The following CNTN4 variants were observed in gnomAD, a reference collection of about 807,000 sequenced individuals.
CNTN4 encodes the protein contactin-4.
CNTN4 carries 77 observed loss-of-function variants against 122.5 expected under a neutral mutation model. The observed-to-expected ratio is 0.63, with a 90% CI of 0.52 to 0.76. The LOEUF (loss-of-function observed/expected upper bound fraction) is 0.76. Ranked by LOEUF, CNTN4 falls within the 30% of genes least tolerant of loss-of-function variation. The pLI, the probability that CNTN4 is intolerant of heterozygous loss-of-function variation, is 0.00. For missense variants in CNTN4, 1,256 were observed against 1,259.1 expected, an observed-to-expected ratio of 1.00 and a Z score of 0.04; for synonymous variants, 512 against 447.0, an observed-to-expected ratio of 1.15 and a Z score of -1.83.
intron 3 of CNTN4, among the ~76,000 whole-genome samples, chr3:2,484,716 T>C (rs1054931212): frequency 1.1e-4 from 16 of 152,346 alleles, no homozygotes; most frequent in African/African-American, 3.4e-4. Flanking sequence ...TATTTTTCTG[T>C]GTATCCTGAG....
At chr3:2,207,178 AG>A (rs2038397912) in intron 2 of CNTN4, among the ~76,000 whole-genome samples, 3 of 152,028 alleles carry the variant, frequency 2.0e-5, no homozygotes, top group Admixed American at 2.0e-4. Context: ...AGCCGTTCCT[AG>A]TCTCTCTGTC....
intron 2 of CNTN4, among the ~76,000 whole-genome samples, chr3:2,288,483 G>C (rs1350454570): frequency 4.6e-5 from 7 of 152,112 alleles, no homozygotes; most frequent in African/African-American, 1.4e-4. Flanking sequence ...CTATCTCCCT[G>C]ACCCAAATAC....
intron 3 of CNTN4, among the ~76,000 whole-genome samples, chr3:2,378,359 A>G (rs2045898607): frequency 6.6e-6 from 1 of 152,114 alleles, no homozygotes; most frequent in Non-Finnish European, 1.5e-5. Context: ...GCAGCTTGTG[A>G]GAGGACAGTC....
intron 4 of CNTN4, among the ~76,000 whole-genome samples, chr3:2,686,530 T>G (rs1344659380): frequency 1.3e-5 from 2 of 150,556 alleles, no homozygotes; most frequent in African/African-American, 5.0e-5. Flanking sequence ...ACAGTTTTAT[T>G]GAGATATAAT....
chr3:2,461,236 AT>A lies in CNTN4; in HGVS notation c.-88-110179del, dbSNP rs2049194603. On this transcript the variant is annotated intron_variant, in intron 3 of 24. Transcript: ENST00000418658. The stretch of plus-strand genomic sequence containing the variant: ...CTTAGTTCTCCTCCCTTGTACAGAT[AT>A]GTGTATTTTTAAATCTAGAAATGTT... 4.0e-5 allele frequency among the ~76,000 whole-genome samples: 6 copies of A among 151,508 alleles called. No homozygotes were observed. The East Asian group carries it at 1.2e-3, about 29-fold the overall frequency.
chr3:2,687,813 T>G (rs1389254746), intron 4 of CNTN4, among the ~76,000 whole-genome samples: 1 of 152,174 alleles, frequency 6.6e-6, no homozygotes, highest in East Asian at 1.9e-4. Flanking sequence ...AATGTTAGTG[T>G]AGGAAGAAAT....
chr3:2,597,769 T>C lies in CNTN4; in HGVS notation c.55+26211T>C, dbSNP rs184875512. Among the ~76,000 whole-genome samples the C allele has an allele frequency of 2.7e-4, 41 of 152,298 alleles. No homozygotes were observed. In the East Asian group the frequency reaches 7.0e-3, roughly 26 times the overall value. On this transcript the variant is annotated intron_variant, in intron 4 of 24. Transcript: ENST00000418658. ...CTGGACTTTCTCAAGCCTGAGGTGT[T>C]GGATAATGACCTGACAGCGTTCTCA...
intron 14 of CNTN4, among the ~76,000 whole-genome samples, chr3:3,017,476 G>A (rs1422363340): frequency 6.6e-6 from 1 of 152,072 alleles, no homozygotes. Flanking sequence ...AGGATATTTC[G>A]GCAGTTAAAG....
At chr3:2,142,849 T>A (rs1238052342) in intron 2 of CNTN4, among the ~76,000 whole-genome samples, 1 of 152,192 alleles carries the variant, frequency 6.6e-6, no homozygotes, top group African/African-American at 2.4e-5. Context: ...TGAGAGAGAA[T>A]TAAGGAGTGA....
chr3:2,727,735 T>C (rs2088335544), intron 4 of CNTN4, among the ~76,000 whole-genome samples: 2 of 152,226 alleles, frequency 1.3e-5, no homozygotes, highest in South Asian at 4.1e-4. Flanking sequence ...GGCAGCATTA[T>C]TTTGTTAACA....
chr3:2,470,181 A>G (rs1575702875), intron 3 of CNTN4, among the ~76,000 whole-genome samples: 2 of 151,964 alleles, frequency 1.3e-5, no homozygotes, highest in South Asian at 2.1e-4. Context: ...GGTTCAAGCA[A>G]TTCTTCTGCC....
At chr3:2,736,377 T>C (rs764094363) in intron 5 of CNTN4, 36 bp downstream of exon 5, 1 of 1,593,828 alleles carries the variant, frequency 6.3e-7, no homozygotes, top group Non-Finnish European at 8.6e-7. Context: ...TCCATGCATA[T>C]AGTTTCTGTT....
At chr3:2,450,940 C>G (rs2048806689) in intron 3 of CNTN4, among the ~76,000 whole-genome samples, 1 of 152,184 alleles carries the variant, frequency 6.6e-6, no homozygotes, top group South Asian at 2.1e-4. Flanking sequence ...AGGAAAAGAT[C>G]ACAGCAGATA....
intron 2 of CNTN4, among the ~76,000 whole-genome samples, chr3:2,286,186 CTG>C (rs1224143914): frequency 6.7e-6 from 1 of 149,012 alleles, no homozygotes; most frequent in Non-Finnish European, 1.5e-5. Flanking sequence ...TTTAACTATA[CTG>C]TATTTCTCGG....
chr3:2,401,429 G>C (rs993935849), intron 3 of CNTN4, among the ~76,000 whole-genome samples: 1 of 152,090 alleles, frequency 6.6e-6, no homozygotes, highest in Non-Finnish European at 1.5e-5. Context: ...AGATAATGTA[G>C]CTAGTGGCTA....
In CNTN4 at chr3:2,400,222, T is replaced by G. The variant is rs180737218; in HGVS notation, c.-89+60989T>G. ...TACCACGAAATAATATTTTTCTACT[T>G]TAAACAATTCTAGTATCACAAAACC... On this transcript the variant is annotated intron_variant, in intron 3 of 24. Transcript: ENST00000418658. 2.1e-3 allele frequency among the ~76,000 whole-genome samples: 311 copies of G among 151,664 alleles called. 1 individual carries two copies. The highest frequency in any genetic ancestry group is 6.7e-3 in the African/African-American group (279 of 41,456).
intron 7 of CNTN4, 33 bp from the exon 8 acceptor site, chr3:2,866,719 A>G: frequency 6.3e-7 from 1 of 1,576,488 alleles, no homozygotes; most frequent in Middle Eastern, 1.7e-4. Context: ...GTGCCAAAAG[A>G]CATATTTGTA....
chr3:2,616,982 A>T (rs918627370), intron 4 of CNTN4, among the ~76,000 whole-genome samples: 1 of 152,148 alleles, frequency 6.6e-6, no homozygotes, highest in Non-Finnish European at 1.5e-5. Context: ...CCTTATACGA[A>T]AATTAACTCA....
At chr3:2,793,517 G>A (rs1433567258) in intron 6 of CNTN4, among the ~76,000 whole-genome samples, 1 of 151,968 alleles carries the variant, frequency 6.6e-6, no homozygotes, top group Non-Finnish European at 1.5e-5. Flanking sequence ...GAAATATGAC[G>A]TGGTTTTGGT....
Sources: allele counts gnomAD v4.1 joint callset (sites outside exome capture counted in the v4.1 genomes callset), GRCh38; gene constraint gnomAD v4.1.1; transcripts MANE v1.5; gene names NCBI Gene and HGNC (gene_info 2026-07-23, HGNC 2026-07-21).